DENND5B: variants seen among roughly 807,000 people sequenced by gnomAD.
DENND5B encodes DENN domain containing 5B.
A neutral mutation model predicts 140.6 loss-of-function variants in DENND5B; 34 were observed. That is an observed-to-expected ratio of 0.24 (90% CI 0.18 to 0.32). The LOEUF (loss-of-function observed/expected upper bound fraction) is 0.32, where lower values mean the gene tolerates loss of function less well. DENND5B is among the 10% of genes least tolerant of loss of function. The pLI is 1.00. For synonymous variants in DENND5B, 551 were observed against 562.1 expected, an observed-to-expected ratio of 0.98 and a Z score of 0.28; for missense variants, 1,142 against 1,560.2, an observed-to-expected ratio of 0.73 and a Z score of 4.52.
chr12:31,499,357 T>A (rs1031849828), intron 1 of DENND5B, among the ~76,000 whole-genome samples: 2 of 152,244 alleles, frequency 1.3e-5, no homozygotes, highest in African/African-American at 2.4e-5. Flanking sequence ...CTGCAATTAA[T>A]CCTTTCCTCC....
chr12:31,448,862 C>CA (rs757153363), intron 5 of DENND5B, among the ~76,000 whole-genome samples: 28 of 152,176 alleles, frequency 1.8e-4, no homozygotes, highest in Non-Finnish European at 2.6e-4. Context: ...AACAAACAAA[C>CA]AAAAACAAAT....
chr12:31,407,780 G>A (rs1942215442), intron 14 of DENND5B, among the ~76,000 whole-genome samples: 1 of 152,094 alleles, frequency 6.6e-6, no homozygotes, highest in Non-Finnish European at 1.5e-5. Context: ...AATGAGCCTG[G>A]GTCCGTGACA....
At chr12:31,526,906 A>G (rs1948104382) in intron 1 of DENND5B, among the ~76,000 whole-genome samples, 1 of 152,208 alleles carries the variant, frequency 6.6e-6, no homozygotes, top group Non-Finnish European at 1.5e-5. Flanking sequence ...TAAGGCAAAG[A>G]AGGATATATT....
chr12:31,408,790 C>G (rs1565550602), intron 14 of DENND5B, among the ~76,000 whole-genome samples: 1 of 152,142 alleles, frequency 6.6e-6, no homozygotes, highest in East Asian at 1.9e-4. Context: ...CTTTTCTCAT[C>G]TATTGTAGGT....
intron 7 of DENND5B, among the ~76,000 whole-genome samples, chr12:31,434,600 C>T (rs1462124603): frequency 6.6e-6 from 1 of 152,166 alleles, no homozygotes; most frequent in Admixed American, 6.6e-5. Flanking sequence ...TAGCTACCTA[C>T]AGGCTCCAGC....
chr12:31,517,665 C>T (rs1168226723), intron 1 of DENND5B, among the ~76,000 whole-genome samples: 1 of 152,210 alleles, frequency 6.6e-6, no homozygotes, highest in Non-Finnish European at 1.5e-5. Flanking sequence ...GATTAAGTCT[C>T]CTCATTTCCC....
At chr12:31,505,819 TTTAA>T (rs747533658) in intron 1 of DENND5B, among the ~76,000 whole-genome samples, 53 of 152,164 alleles carry the variant, frequency 3.5e-4, no homozygotes, top group Admixed American at 1.8e-3. Context: ...TAAAGTTTAT[TTTAA>T]TTAATTAATT....
At chr12:31,530,278 CAGG>C (rs1948236365) in intron 1 of DENND5B, among the ~76,000 whole-genome samples, 2 of 152,234 alleles carry the variant, frequency 1.3e-5, no homozygotes, top group African/African-American at 4.8e-5. Context: ...GAGGCTGACG[CAGG>C]AGAATGGCTT....
intron 5 of DENND5B, 42 bp downstream of exon 5, chr12:31,451,898 A>G (rs1394500254): frequency 6.3e-7 from 1 of 1,598,378 alleles, no homozygotes; most frequent in Admixed American, 1.8e-5. Flanking sequence ...TCAATAATAA[A>G]GCCACTAATA....
intron 11 of DENND5B, among the ~76,000 whole-genome samples, chr12:31,416,466 T>C (rs1942745079): frequency 1.3e-5 from 2 of 151,984 alleles, no homozygotes; most frequent in South Asian, 4.2e-4. Flanking sequence ...GGTTTCACCA[T>C]GTTGGCCAGC....
chr12:31,591,025 G>C lies in DENND5B; in HGVS notation c.-193C>G. 3 of 488,626 alleles carry C rather than the reference G, an allele frequency of 6.1e-6. No individual in the cohort carries two copies. Among genetic ancestry groups the C allele is most frequent in the Non-Finnish European group, 8.0e-6 (3 of 375,228 alleles). The allele number at this position is 488,626 out of a possible 1,614,324, so 30.3% of individuals were successfully genotyped here. ...GCGCGGGGGAAGCGGCCGCGGGCTC[G>C]CGCGCGGCGGGTCCGGAGCCCGGCC... On this transcript the variant is annotated 5_prime_UTR_variant, in exon 1 of 21. Coordinates refer to ENST00000389082, the MANE Select transcript of DENND5B (RefSeq NM_144973.4).
intron 20 of DENND5B, among the ~76,000 whole-genome samples, chr12:31,388,681 A>G (rs12816386): frequency 0.13 from 19,079 of 152,198 alleles, 1,550 homozygotes; most frequent in Non-Finnish European, 0.18. Flanking sequence ...ATTTCTTACA[A>G]TTCTGAGATC....
chr12:31,426,650 T>A, intron 8 of DENND5B: 1 of 418,336 alleles, frequency 2.4e-6, no homozygotes, highest in South Asian at 3.0e-5. Flanking sequence ...AGAAACCCCA[T>A]CACGTTAAAA....
At chr12:31,470,859 G>A (rs1395581539) in intron 3 of DENND5B, among the ~76,000 whole-genome samples, 1 of 152,164 alleles carries the variant, frequency 6.6e-6, no homozygotes, top group Non-Finnish European at 1.5e-5. Flanking sequence ...CAATGAGAGG[G>A]TGGGGAATTA....
intron 7 of DENND5B, among the ~76,000 whole-genome samples, chr12:31,435,127 C>T (rs1943682769): frequency 1.3e-5 from 2 of 151,998 alleles, no homozygotes; most frequent in Admixed American, 1.3e-4. Context: ...AAGACTATCC[C>T]CTCACTTCCC....
chr12:31,524,784 C>A (rs1484798486), intron 1 of DENND5B, among the ~76,000 whole-genome samples: 5 of 152,130 alleles, frequency 3.3e-5, no homozygotes, highest in Non-Finnish European at 7.4e-5. Context: ...CTTGACACAT[C>A]AGCTTAGAGA....
intron 3 of DENND5B, among the ~76,000 whole-genome samples, chr12:31,471,944 T>C (rs1021487503): frequency 2.0e-5 from 3 of 152,132 alleles, no homozygotes; most frequent in Non-Finnish European, 4.4e-5. Flanking sequence ...ATTCCCCCTA[T>C]AAATTCCAAG....
intron 7 of DENND5B, among the ~76,000 whole-genome samples, chr12:31,433,640 C>T (rs925459735): frequency 6.6e-6 from 1 of 152,030 alleles, no homozygotes; most frequent in African/African-American, 2.4e-5. Flanking sequence ...TTTTTTAATA[C>T]AAAGAATATT....
chr12:31,480,627 G>A (rs1164562826), intron 2 of DENND5B, among the ~76,000 whole-genome samples: 1 of 152,130 alleles, frequency 6.6e-6, no homozygotes, highest in South Asian at 2.1e-4. Context: ...CTGTATCAAC[G>A]ACTTGAAGAC....
Sources: gnomAD v4.1 joint callset for allele counts (sites outside exome capture counted in the v4.1 genomes callset) on GRCh38, gnomAD v4.1.1 for gene constraint, MANE v1.5 for transcripts, NCBI Gene and HGNC (gene_info 2026-07-23, HGNC 2026-07-21) for gene names.